Variants in TMTC2 observed in about 807,000 individuals in gnomAD.
The protein encoded by TMTC2 is transmembrane O-mannosyltransferase targeting cadherins 2, also known as protein O-mannosyl-transferase TMTC2.
In TMTC2, 43 loss-of-function variants were observed where a neutral mutation model predicts 82.4. The ratio of observed to expected loss-of-function variants is 0.52; its 90% CI spans 0.41 to 0.67. The LOEUF is 0.67. TMTC2 is among the 30% of genes least tolerant of loss of function. TMTC2 has a pLI of 0.00. For missense variants in TMTC2, 919 were observed against 1,012.4 expected, an observed-to-expected ratio of 0.91 and a Z score of 1.25; for synonymous variants, 408 against 381.9, an observed-to-expected ratio of 1.07 and a Z score of -0.80.
At chr12:83,033,658 G>A (rs993919589) in intron 9 of TMTC2, among the ~76,000 whole-genome samples, 4 of 151,926 alleles carry the variant, frequency 2.6e-5, no homozygotes, top group African/African-American at 7.3e-5. Context: ...GGCTGAGGCA[G>A]GAGAATCACT....
At chr12:83,006,053 C>T (rs1390521165) in intron 8 of TMTC2, among the ~76,000 whole-genome samples, 1 of 152,198 alleles carries the variant, frequency 6.6e-6, no homozygotes, top group Non-Finnish European at 1.5e-5. Context: ...CCCCTACCAG[C>T]TCAACTGTCT....
At chr12:83,029,621 C>T (rs533600789) in intron 8 of TMTC2, among the ~76,000 whole-genome samples, 1 of 152,210 alleles carries the variant, frequency 6.6e-6, no homozygotes, top group South Asian at 2.1e-4. Context: ...GCTTTGGACA[C>T]CACCCAGTGC....
At chr12:82,976,348 T>G (rs957800572) in intron 7 of TMTC2, among the ~76,000 whole-genome samples, 4 of 152,154 alleles carry the variant, frequency 2.6e-5, no homozygotes, top group African/African-American at 9.6e-5. Flanking sequence ...AATTAGGAAC[T>G]TGTAAAAGTT....
chr12:82,985,985 T>C lies in TMTC2; in HGVS notation c.2009T>C (p.Leu670Pro). ...PEAEHWYMES[L>P]RSKTDHIPAH... ...GCAGAGCATTGGTATATGGAATCAC[T>C]GAGATCCAAGACTGACCACATCCCT... Residue 670 changes from leucine (L) to proline (P), a missense_variant, in exon 8 of 12, where the codon CTG becomes CCG. Leu to Pro is a moderately conservative substitution (Grantham distance 98, BLOSUM62 -3). Coordinates refer to ENST00000321196, the MANE Select transcript of TMTC2 (RefSeq NM_152588.3). 1 of 1,614,034 alleles carries C rather than the reference T, an allele frequency of 6.2e-7. No homozygotes were observed. The highest frequency in any genetic ancestry group is 8.5e-7 in the Non-Finnish European group (1 of 1,179,930).
In TMTC2 at chr12:82,765,443, G is replaced by A. The variant is rs1343200508; in HGVS notation, c.83+77774G>A. Among the ~76,000 whole-genome samples, 3 of 152,082 alleles carry A rather than the reference G, an allele frequency of 2.0e-5. No individual in the cohort carries two copies. The East Asian group carries it at 5.8e-4, about 29-fold the overall frequency. On this transcript the variant is annotated intron_variant, in intron 1 of 11. Coordinates refer to ENST00000321196, the MANE Select transcript of TMTC2 (RefSeq NM_152588.3). ...TAATCCCAGTACTTTGGGAGTCCGAGGCGGGCAGATCACCTGAGGTTGGGA... is the reference window on the plus strand; with the variant it reads ...TAATCCCAGTACTTTGGGAGTCCGAAGCGGGCAGATCACCTGAGGTTGGGA...
chr12:82,985,158 A>G (rs34940216), intron 7 of TMTC2, among the ~76,000 whole-genome samples: 3,630 of 152,184 alleles, frequency 0.024, 73 homozygotes, highest in Non-Finnish European at 0.038. Flanking sequence ...TCCCCGGCTC[A>G]GGTGATCCTC....
intron 2 of TMTC2, among the ~76,000 whole-genome samples, chr12:82,869,777 C>T (rs922637707): frequency 5.3e-5 from 8 of 150,882 alleles, no homozygotes; most frequent in Non-Finnish European, 8.8e-5. Flanking sequence ...AAGTGGAGGC[C>T]GCAGTGAGCC....
intron 4 of TMTC2, among the ~76,000 whole-genome samples, chr12:82,944,952 G>A (rs1319551555): frequency 6.6e-6 from 1 of 152,178 alleles, no homozygotes; most frequent in Non-Finnish European, 1.5e-5. Flanking sequence ...GGTCTTTGAT[G>A]GCTGGAGATG....
In TMTC2 at chr12:83,115,856, C is replaced by A. The variant is rs764453483; in HGVS notation, c.2332-16354C>A. Reference sequence around the variant, plus strand: ...AAGCTGGAGTGCAGTCGCACGAGCTCGGCTCACTGCAACCTCTACCTCCCA... The same window carrying A: ...AAGCTGGAGTGCAGTCGCACGAGCTAGGCTCACTGCAACCTCTACCTCCCA... On this transcript the variant is annotated intron_variant, in intron 11 of 11. Coordinates refer to ENST00000321196, the MANE Select transcript of TMTC2 (RefSeq NM_152588.3). Among the ~76,000 whole-genome samples, 196 of 152,138 alleles carry A rather than the reference C, an allele frequency of 1.3e-3. 2 individuals carry two copies. The highest frequency in any genetic ancestry group is 1.6e-3 in the Non-Finnish European group (109 of 68,010).
At chr12:83,088,293 G>C (rs1489981812) in intron 11 of TMTC2, among the ~76,000 whole-genome samples, 1 of 152,184 alleles carries the variant, frequency 6.6e-6, no homozygotes, top group Non-Finnish European at 1.5e-5. Context: ...TTGATCTTCT[G>C]TCCAGACAAT....
rs1391009285 is a variant in TMTC2, at chr12:82,686,979, G to A, written c.-608G>A. ...TTCACTGGAGAAGGGAGCTGGGGCT[G>A]GGGCTGGGGCTGGGGCTGGGAGGGA... On this transcript the variant is annotated 5_prime_UTR_variant, in exon 1 of 12. Transcript: ENST00000321196. 3 of 154,732 alleles carry A rather than the reference G, an allele frequency of 1.9e-5. No homozygotes were observed. The highest frequency in any genetic ancestry group is 2.9e-5 in the Non-Finnish European group (2 of 69,222). 9.6% of individuals were successfully genotyped at this position (154,732 alleles called of 1,614,324 possible). A position where few individuals can be genotyped will look rare whatever the true frequency, so the allele number is the denominator to read the frequency against.
chr12:82,962,674 G>C (rs1203864559), intron 4 of TMTC2, among the ~76,000 whole-genome samples: 1 of 151,948 alleles, frequency 6.6e-6, no homozygotes. Flanking sequence ...CCTCTACCTT[G>C]ATGTGGCTCA....
chr12:82,721,798 A>G (rs1008177112), intron 1 of TMTC2, among the ~76,000 whole-genome samples: 1 of 152,238 alleles, frequency 6.6e-6, no homozygotes, highest in South Asian at 2.1e-4. Flanking sequence ...TTTACGTAGC[A>G]TGTAACCTTT....
intron 8 of TMTC2, among the ~76,000 whole-genome samples, chr12:83,017,469 C>T (rs1434256947): frequency 6.6e-6 from 1 of 152,176 alleles, no homozygotes; most frequent in African/African-American, 2.4e-5. Flanking sequence ...AGATACTCTA[C>T]CTTTGATGTG....
chr12:82,756,478 C>T (rs748744915), intron 1 of TMTC2, among the ~76,000 whole-genome samples: 1 of 152,206 alleles, frequency 6.6e-6, no homozygotes, highest in Non-Finnish European at 1.5e-5. Context: ...ACTGATGTGG[C>T]CTCCCTGCGT....
intron 1 of TMTC2, among the ~76,000 whole-genome samples, chr12:82,792,586 C>T (rs970963909): frequency 1.3e-5 from 2 of 151,922 alleles, no homozygotes; most frequent in Non-Finnish European, 1.5e-5. Flanking sequence ...CCCATTTCAG[C>T]TCCCTGAGTA....
rs144211780 is a variant in TMTC2, at chr12:82,824,886, C to T, written c.84-32124C>T. ...GGCAGATCACCTGAGGCCAGGAGTT[C>T]GAGATGAGCTTGGCCAACATGGTGA... is the stretch of plus-strand genomic sequence containing the variant. On this transcript the variant is annotated intron_variant, in intron 1 of 11. Transcript: ENST00000321196. Among the ~76,000 whole-genome samples the T allele has an allele frequency of 3.0e-4, 46 of 152,042 alleles. No homozygotes were observed. The East Asian group carries it at 4.7e-3, about 15-fold the overall frequency.
At chr12:82,773,977 A>G (rs1476233547) in intron 1 of TMTC2, among the ~76,000 whole-genome samples, 1 of 152,124 alleles carries the variant, frequency 6.6e-6, no homozygotes, top group African/African-American at 2.4e-5. Context: ...AAATGTAATA[A>G]TTTGATGTAG....
At chr12:82,929,159 C>T (rs867349490) in intron 3 of TMTC2, among the ~76,000 whole-genome samples, 29 of 151,966 alleles carry the variant, frequency 1.9e-4, no homozygotes, top group African/African-American at 6.5e-4. Context: ...ACTGTAGCCT[C>T]GACTCTATGG....
Sources: allele counts gnomAD v4.1 joint callset (sites outside exome capture counted in the v4.1 genomes callset), GRCh38; gene constraint gnomAD v4.1.1; transcripts MANE v1.5; gene names NCBI Gene and HGNC (gene_info 2026-07-23, HGNC 2026-07-21).